The following EIF3M variants were observed in gnomAD, a reference collection of about 807,000 sequenced individuals.
EIF3M encodes the protein eukaryotic translation initiation factor 3 subunit M.
In EIF3M, 25 loss-of-function variants were observed where a neutral mutation model predicts 49.7. The ratio of observed to expected loss-of-function variants is 0.50; its 90% CI spans 0.37 to 0.70. The LOEUF (loss-of-function observed/expected upper bound fraction) is 0.70, where lower values mean the gene tolerates loss of function less well. Among genes scored for constraint, EIF3M ranks in the 30% least tolerant of loss-of-function variants. EIF3M has a pLI of 0.00. For synonymous variants in EIF3M, 156 were observed against 149.8 expected (o/e 1.04, Z -0.30); for missense variants, 350 against 440.0 (o/e 0.80, Z 1.83).
chr11:32,601,119 C>A, intron 9 of EIF3M: 1 of 213,668 alleles, frequency 4.7e-6, no homozygotes, highest in Non-Finnish European at 9.2e-6. Flanking sequence ...TAAGACCAGG[C>A]CCTTCCTTTG....
At chr11:32,587,450 T>C (rs1855018525) in intron 2 of EIF3M, among the ~76,000 whole-genome samples, 2 of 152,244 alleles carry the variant, frequency 1.3e-5, no homozygotes, top group Admixed American at 6.5e-5. Context: ...ACAGTTCTCT[T>C]CTAGCTCTTT....
chr11:32,588,859 G>A, intron 3 of EIF3M, 127 bp downstream of exon 3: 3 of 1,544,734 alleles, frequency 1.9e-6, no homozygotes, highest in Non-Finnish European at 2.6e-6. Context: ...CTGTGACCTT[G>A]GGCAAGTGGC....
At chr11:32,584,090 T>A in intron 1 of EIF3M, 161 bp downstream of exon 1, 1 of 913,482 alleles carries the variant, frequency 1.1e-6, no homozygotes, top group East Asian at 2.8e-5. Context: ...GTTCCTGGCC[T>A]CGATTCGCAC....
At position 32,600,763 on chromosome 11, in the gene EIF3M, A is replaced by G; in HGVS notation, c.874A>G (p.Ile292Val). Residue 292 changes from isoleucine to valine, a missense_variant, in exon 9 of 11, where the codon ATT becomes GTT. Transcript: ENST00000531120. ...FMGMAVENKE[I>V]SFDTMQQELQ... ...GGGAATGGCAGTAGAAAATAAGGAA[A>G]TTTCTTTTGACACAATGCAGCAAGA... The G allele has an allele frequency of 6.2e-7, 1 of 1,611,990 alleles. No homozygotes were observed.
At chr11:32,584,309 T>A (rs1427229567) in intron 1 of EIF3M, 1 of 212,146 alleles carries the variant, frequency 4.7e-6, no homozygotes, top group East Asian at 1.2e-4. Context: ...AATTTTGTGC[T>A]AAAGATCAAA....
At position 32,605,850 on chromosome 11, in the gene EIF3M, C is replaced by T. The variant is rs1223352433; in HGVS notation, c.*3451C>T. On this transcript the variant is annotated 3_prime_UTR_variant, in exon 11 of 11. Coordinates refer to ENST00000531120, the MANE Select transcript of EIF3M (RefSeq NM_006360.6). The stretch of plus-strand genomic sequence containing the variant: ...TTGCCTTGTATCTTCGTTCTTTCGT[C>T]TCCTATCCTTTTTAGAAATTTATCA... The T allele has an allele frequency of 6.6e-6, 1 of 152,202 alleles. No individual in the cohort carries two copies. Among genetic ancestry groups the T allele is most frequent in the Admixed American group, 6.5e-5 (1 of 15,280 alleles). The allele number at this position is 152,202 out of a possible 1,614,324, so 9.4% of individuals were successfully genotyped here.
chr11:32,595,884 A>T, intron 7 of EIF3M, 82 bp from the exon 8 acceptor site: 3 of 1,047,626 alleles, frequency 2.9e-6, no homozygotes, highest in African/African-American at 1.7e-5. Flanking sequence ...TCTTTAAAAT[A>T]ATATTTACAA....
intron 1 of EIF3M, 172 bp from the exon 2 acceptor site, chr11:32,586,840 T>A (rs1855008027): frequency 1.3e-6 from 1 of 777,958 alleles, no homozygotes; most frequent in Middle Eastern, 4.2e-4. Context: ...GAGGAAAACC[T>A]GTGGCTCTTG....
At chr11:32,584,229 G>A (rs1854956040) in intron 1 of EIF3M, 2 of 431,548 alleles carry the variant, frequency 4.6e-6, no homozygotes, top group East Asian at 4.1e-5. Context: ...GCTTCCGTCC[G>A]TCAAATGCAG....
At chr11:32,592,729 GT>G (rs1472059948) in intron 5 of EIF3M, 21 of 500,576 alleles carry the variant, frequency 4.2e-5, no homozygotes, top group Non-Finnish European at 5.1e-5. Flanking sequence ...CCAATAAACA[GT>G]TTTTTTTAGC....
chr11:32,601,645 A>C, intron 9 of EIF3M, 117 bp from the exon 10 acceptor site: 1 of 899,880 alleles, frequency 1.1e-6, no homozygotes, highest in South Asian at 1.7e-5. Context: ...AACAGTGTAT[A>C]ATGTTGGAAA....
chr11:32,601,116 A>C (rs1307687656), intron 9 of EIF3M: 5 of 218,160 alleles, frequency 2.3e-5, no homozygotes, highest in Non-Finnish European at 4.5e-5. Context: ...ATTTAAGACC[A>C]GGCCCTTCCT....
intron 8 of EIF3M, among the ~76,000 whole-genome samples, chr11:32,597,146 T>A (rs1322980083): frequency 6.6e-6 from 1 of 152,216 alleles, no homozygotes; most frequent in Admixed American, 6.5e-5. Context: ...ACTTTGATCA[T>A]AATGGTAACT....
rs1165334223 is a variant in EIF3M, at chr11:32,583,896, C to A, written c.9C>A (p.Val3=). The change falls in exon 1 of 11, where the codon GTC becomes GTA. Residue 3 remains valine (V), a synonymous_variant. Coordinates refer to ENST00000531120, the MANE Select transcript of EIF3M (RefSeq NM_006360.6). ...GTGCCCGGGCCTGCACCATGAGCGT[C>A]CCGGCCTTCATCGACATCAGTGAAG... MS[V]PAFIDISEED... is the part of the protein sequence containing the mutation. 2.5e-6 allele frequency: 4 copies of A among 1,613,836 alleles called. No homozygotes were observed. The highest frequency in any genetic ancestry group is 3.4e-6 in the Non-Finnish European group (4 of 1,179,850).
intron 4 of EIF3M, 31 bp from the exon 5 acceptor site, chr11:32,589,516 T>G (rs764936657): frequency 6.3e-7 from 1 of 1,579,456 alleles, no homozygotes; most frequent in Non-Finnish European, 8.7e-7. Flanking sequence ...TATGTGTTAC[T>G]CAGTTTTCTC....
At position 32,603,677 on chromosome 11, in the gene EIF3M, ATGTT is replaced by A. The variant is rs1036624863; in HGVS notation, c.*1284_*1287del. On this transcript the variant is annotated 3_prime_UTR_variant, in exon 11 of 11. Coordinates refer to ENST00000531120, the MANE Select transcript of EIF3M (RefSeq NM_006360.6). Reference sequence around the variant, plus strand: ...TGTTTGATATATCTCCTACTACTGAATGTTTGTTTCCAGTTTATCCCTACCAAAA... The same window carrying A: ...TGTTTGATATATCTCCTACTACTGAATGTTTCCAGTTTATCCCTACCAAAA... 15 of 152,114 alleles carry A rather than the reference ATGTT, an allele frequency of 9.9e-5. No individual in the cohort carries two copies. The highest frequency in any genetic ancestry group is 5.9e-4 in the Admixed American group (9 of 15,264). The allele number at this position is 152,114 out of a possible 1,614,324, so 9.4% of individuals were successfully genotyped here. A position where few individuals can be genotyped will look rare whatever the true frequency, so the allele number is the denominator to read the frequency against.
At chr11:32,585,531 T>C (rs960058872) in intron 1 of EIF3M, among the ~76,000 whole-genome samples, 3 of 152,194 alleles carry the variant, frequency 2.0e-5, no homozygotes, top group Non-Finnish European at 4.4e-5. Flanking sequence ...TTATGCTGCT[T>C]CCACAACCAC....
chr11:32,587,540 T>C (rs942415524), intron 2 of EIF3M, among the ~76,000 whole-genome samples: 7 of 152,258 alleles, frequency 4.6e-5, no homozygotes, highest in Non-Finnish European at 1.0e-4. Context: ...TCAGTTTGTG[T>C]AATCTATTAT....
chr11:32,597,821 A>AT (rs985905775), intron 8 of EIF3M, among the ~76,000 whole-genome samples: 20 of 151,632 alleles, frequency 1.3e-4, no homozygotes, highest in African/African-American at 3.6e-4. Context: ...TTAAGACTGA[A>AT]TTTTTTTTTG....
Sources: gnomAD v4.1 joint callset for allele counts (sites outside exome capture counted in the v4.1 genomes callset) on GRCh38, gnomAD v4.1.1 for gene constraint, MANE v1.5 for transcripts, NCBI Gene and HGNC (gene_info 2026-07-23, HGNC 2026-07-21) for gene names.